Variants in RASGRF1 observed in about 807,000 individuals in gnomAD.
The protein encoded by RASGRF1 is ras-specific guanine nucleotide-releasing factor 1.
A neutral mutation model predicts 138.7 loss-of-function variants in RASGRF1; 40 were observed. That is an observed-to-expected ratio of 0.29 (90% CI 0.22 to 0.38). The LOEUF is 0.38. Ranked by LOEUF, RASGRF1 falls within the 10% of genes least tolerant of loss-of-function variation. The probability of loss-of-function intolerance (pLI) is 1.00; values close to 1 mark genes in which losing one functional copy is unlikely to be tolerated. For synonymous variants in RASGRF1, 614 were observed against 663.2 expected, an observed-to-expected ratio of 0.93 and a Z score of 1.14; for missense variants, 1,108 against 1,650.4, an observed-to-expected ratio of 0.67 and a Z score of 5.69.
intron 1 of RASGRF1, among the ~76,000 whole-genome samples, chr15:79,068,007 A>C (rs1024702639): frequency 6.6e-6 from 1 of 152,218 alleles, no homozygotes; most frequent in African/African-American, 2.4e-5. Context: ...GGAAAACCTA[A>C]AACACAACCA....
chr15:79,082,971 AC>A (rs1272413336), intron 1 of RASGRF1, among the ~76,000 whole-genome samples: 5 of 152,116 alleles, frequency 3.3e-5, no homozygotes, highest in Non-Finnish European at 7.3e-5. Context: ...TACTGATAAC[AC>A]CTATTGCGCT....
chr15:79,010,754 G>A (rs1364784227), intron 13 of RASGRF1, among the ~76,000 whole-genome samples: 2 of 152,102 alleles, frequency 1.3e-5, no homozygotes, highest in Non-Finnish European at 2.9e-5. Flanking sequence ...GAGTCTACCT[G>A]CTCTTGAGGC....
At chr15:78,999,388 G>A (rs972605594) in intron 17 of RASGRF1, among the ~76,000 whole-genome samples, 3 of 152,142 alleles carry the variant, frequency 2.0e-5, no homozygotes, top group Non-Finnish European at 1.5e-5. Flanking sequence ...TGCAGGGCAC[G>A]CTGTGCCCTA....
intron 26 of RASGRF1, among the ~76,000 whole-genome samples, chr15:78,967,924 T>C (rs1347623139): frequency 5.9e-5 from 9 of 152,164 alleles, no homozygotes; most frequent in Non-Finnish European, 1.2e-4. Flanking sequence ...TTAATATCAA[T>C]AAAATAAAAT....
At chr15:79,011,993 G>A (rs1317433712) in intron 13 of RASGRF1, among the ~76,000 whole-genome samples, 2 of 151,806 alleles carry the variant, frequency 1.3e-5, no homozygotes, top group Non-Finnish European at 2.9e-5. Context: ...TCCAGCCTGG[G>A]TGACAGAGCG....
chr15:79,017,938 T>C, intron 11 of RASGRF1, 32 bp from the exon 12 acceptor site: 1 of 1,610,274 alleles, frequency 6.2e-7, no homozygotes, highest in Non-Finnish European at 8.5e-7. Context: ...GTTAGCAGCA[T>C]GAATGTGGAC....
chr15:78,971,479 C>T (rs12148343), intron 26 of RASGRF1, among the ~76,000 whole-genome samples: 18,309 of 152,178 alleles, frequency 0.12, 1,295 homozygotes, highest in African/African-American at 0.18. Context: ...AAGAAACGGG[C>T]GGAAATGTTG....
intron 13 of RASGRF1, among the ~76,000 whole-genome samples, chr15:79,012,973 T>A (rs920916785): frequency 6.6e-6 from 1 of 152,198 alleles, no homozygotes; most frequent in Admixed American, 6.5e-5. Flanking sequence ...GCTGTCTCAA[T>A]GGGCACCCTT....
intron 1 of RASGRF1, among the ~76,000 whole-genome samples, chr15:79,070,391 G>A (rs1005910345): frequency 1.3e-5 from 2 of 152,194 alleles, no homozygotes; most frequent in African/African-American, 2.4e-5. Flanking sequence ...TCTGTCTGGG[G>A]TTTTTTAAAT....
chr15:79,069,409 C>T (rs1003349801), intron 1 of RASGRF1, among the ~76,000 whole-genome samples: 2 of 152,144 alleles, frequency 1.3e-5, no homozygotes, highest in African/African-American at 2.4e-5. Flanking sequence ...GGCAAGACCC[C>T]GTTTGCTGTC....
chr15:79,090,579 C>CCT lies in RASGRF1; in HGVS notation c.-83_-82dup. ...CCCCGTCCGTGCGCGCTGCGCGCTG[C>CCT]CTCTCTCTGGCGCTCGCTCGCTCGC... On this transcript the variant is annotated 5_prime_UTR_variant, in exon 1 of 27. Coordinates refer to ENST00000558480, the MANE Select transcript of RASGRF1 (RefSeq NM_001145648.3). 6.4e-7 allele frequency: 1 copy of CCT among 1,557,074 alleles called. No homozygotes were observed. Among genetic ancestry groups the CCT allele is most frequent in the Non-Finnish European group, 8.7e-7 (1 of 1,152,534 alleles).
At chr15:79,042,819 G>A (rs2057313552) in intron 5 of RASGRF1, among the ~76,000 whole-genome samples, 1 of 152,136 alleles carries the variant, frequency 6.6e-6, no homozygotes, top group Non-Finnish European at 1.5e-5. Context: ...CTGTAGTGTG[G>A]GAAGTATAGT....
At chr15:79,000,795 CTG>C (rs2056504737) in intron 16 of RASGRF1, among the ~76,000 whole-genome samples, 1 of 152,176 alleles carries the variant, frequency 6.6e-6, no homozygotes, top group Non-Finnish European at 1.5e-5. Context: ...AGCTCTGTTT[CTG>C]TGTGTCTGAG....
chr15:79,068,785 G>GCCC (rs1415603982), intron 1 of RASGRF1, among the ~76,000 whole-genome samples: 1 of 151,904 alleles, frequency 6.6e-6, no homozygotes, highest in Non-Finnish European at 1.5e-5. Context: ...TATGTTTCTG[G>GCCC]CCCACCCCTC....
chr15:79,052,823 G>A (rs1307722792), intron 3 of RASGRF1, among the ~76,000 whole-genome samples: 1 of 152,222 alleles, frequency 6.6e-6, no homozygotes, highest in Non-Finnish European at 1.5e-5. Flanking sequence ...GGGGATGGCA[G>A]GAGAGATGGG....
chr15:79,048,609 T>C (rs903973154), intron 4 of RASGRF1, among the ~76,000 whole-genome samples: 4 of 152,268 alleles, frequency 2.6e-5, no homozygotes, highest in Admixed American at 6.5e-5. Flanking sequence ...ATTTCTATTC[T>C]TGAGAAACCA....
At position 79,006,032 on chromosome 15, in the gene RASGRF1, G is replaced by T. The variant is rs2056665329; in HGVS notation, c.2075+154C>A. On this transcript the variant is annotated intron_variant, in intron 14 of 26. Transcript: ENST00000558480. This position sits in a 1 kb window ranked among gnomAD's most constrained non-coding sequence, Gnocchi z 4.0. ...AGGGAGGCTTGGTTCCTGGGGAGAG[G>T]GGGCAGTGGCGGTGTGTGTCCCGCA... 8.9e-7 allele frequency: 1 copy of T among 1,127,302 alleles called. No homozygotes were observed. The allele number at this position is 1,127,302 out of a possible 1,614,324, so 69.8% of individuals were successfully genotyped here. A position where few individuals can be genotyped will look rare whatever the true frequency, so the allele number is the denominator to read the frequency against.
chr15:78,996,952 G>A (rs1409849486), intron 19 of RASGRF1, among the ~76,000 whole-genome samples: 1 of 152,238 alleles, frequency 6.6e-6, no homozygotes, highest in African/African-American at 2.4e-5. Context: ...GAGGTGAGGA[G>A]GAAAGGCCAG....
At chr15:78,992,347 C>G (rs2056288504) in intron 20 of RASGRF1, among the ~76,000 whole-genome samples, 2 of 152,232 alleles carry the variant, frequency 1.3e-5, no homozygotes, top group Admixed American at 1.3e-4. Context: ...GTCCCTGGCC[C>G]CCAGGGGCCA....
Sources: allele counts gnomAD v4.1 joint callset (sites outside exome capture counted in the v4.1 genomes callset), GRCh38; gene constraint gnomAD v4.1.1; non-coding constraint Gnocchi (gnomAD v3.1); transcripts MANE v1.5; gene names NCBI Gene and HGNC (gene_info 2026-07-23, HGNC 2026-07-21).